CMSS1: variants seen among roughly 807,000 people sequenced by gnomAD.
The protein encoded by CMSS1 is protein CMSS1.
CMSS1 carries 33 observed loss-of-function variants against 43.5 expected under a neutral mutation model. The observed-to-expected ratio is 0.76, with a 90% CI of 0.57 to 1.01. CMSS1 has a LOEUF of 1.01. Ranked by LOEUF, CMSS1 falls within the 50% of genes least tolerant of loss-of-function variation. The pLI is 0.00. For synonymous variants in CMSS1, 115 were observed against 117.2 expected, an observed-to-expected ratio of 0.98 and a Z score of 0.12; for missense variants, 313 against 326.4, an observed-to-expected ratio of 0.96 and a Z score of 0.32.
At chr3:99,861,321 C>A (rs1260012832) in intron 1 of CMSS1, among the ~76,000 whole-genome samples, 2 of 152,214 alleles carry the variant, frequency 1.3e-5, no homozygotes, top group African/African-American at 2.4e-5. Flanking sequence ...TGATGCCTTC[C>A]CCTGGCTGCC....
intron 1 of CMSS1, among the ~76,000 whole-genome samples, chr3:99,967,060 C>T (rs1181819805): frequency 1.3e-5 from 2 of 152,088 alleles, no homozygotes; most frequent in Non-Finnish European, 2.9e-5. Flanking sequence ...GGATATGGGG[C>T]AAGAACAGTC....
chr3:100,107,728 A>G (rs1372578234), intron 1 of CMSS1, among the ~76,000 whole-genome samples: 2 of 152,072 alleles, frequency 1.3e-5, no homozygotes, highest in African/African-American at 4.8e-5. Context: ...AGGAAGAGTC[A>G]TTTCCCATTA....
chr3:99,969,555 C>T (rs1708753203), intron 1 of CMSS1, among the ~76,000 whole-genome samples: 1 of 152,060 alleles, frequency 6.6e-6, no homozygotes, highest in Non-Finnish European at 1.5e-5. Flanking sequence ...AAGTAATGAG[C>T]CGTGCTATCC....
intron 1 of CMSS1, among the ~76,000 whole-genome samples, chr3:100,118,213 A>T (rs1174482848): frequency 1.3e-5 from 2 of 151,830 alleles, no homozygotes; most frequent in African/African-American, 2.4e-5. Context: ...TGAGTTGCAC[A>T]CATGAAAAGG....
chr3:99,887,088 A>G lies in CMSS1; in HGVS notation c.64+69045A>G, dbSNP rs141895237. 6.2e-3 allele frequency among the ~76,000 whole-genome samples: 935 copies of G among 151,786 alleles called. 6 individuals carry two copies. The highest frequency in any genetic ancestry group is 0.018 in the African/African-American group (742 of 41,366). On this transcript the variant is annotated intron_variant, in intron 1 of 9. Transcript: ENST00000421999. ...GGAGTTTGAGACCAGCCTGACCAACATGGAGAAACCCCATCTCTACTAAAA... is the reference window on the plus strand; with the variant it reads ...GGAGTTTGAGACCAGCCTGACCAACGTGGAGAAACCCCATCTCTACTAAAA...
At chr3:99,983,666 G>C (rs1268686766) in intron 1 of CMSS1, among the ~76,000 whole-genome samples, 1 of 147,380 alleles carries the variant, frequency 6.8e-6, no homozygotes, top group Admixed American at 6.8e-5. Context: ...CTCCAGCCTG[G>C]GTGACTGAGC....
chr3:99,845,300 A>T (rs1417584837), intron 1 of CMSS1, among the ~76,000 whole-genome samples: 1 of 152,220 alleles, frequency 6.6e-6, no homozygotes, highest in Non-Finnish European at 1.5e-5. Context: ...TGATAAAATC[A>T]TTCGAATCTG....
intron 1 of CMSS1, among the ~76,000 whole-genome samples, chr3:99,920,191 A>G (rs557471027): frequency 1.3e-5 from 2 of 152,236 alleles, no homozygotes; most frequent in Non-Finnish European, 2.9e-5. Flanking sequence ...GCAGTAACAT[A>G]TATGGATAGC....
At chr3:99,837,254 G>T (rs775770122) in intron 1 of CMSS1, among the ~76,000 whole-genome samples, 3 of 152,050 alleles carry the variant, frequency 2.0e-5, no homozygotes, top group Non-Finnish European at 4.4e-5. Context: ...ATAACTATCT[G>T]CCTCTTGTGT....
At chr3:100,071,455 C>G (rs1004567315) in intron 1 of CMSS1, among the ~76,000 whole-genome samples, 3 of 152,196 alleles carry the variant, frequency 2.0e-5, no homozygotes, top group Admixed American at 6.5e-5. Flanking sequence ...AAAGTAGATA[C>G]TGTTTCCTCT....
intron 1 of CMSS1, chr3:100,075,770 T>C (rs2065840294): frequency 2.0e-5 from 3 of 152,238 alleles, no homozygotes; most frequent in Non-Finnish European, 2.9e-5. Context: ...GTAACATCGT[T>C]GGACCTGAAA....
chr3:100,122,730 T>C (rs1462452624), intron 1 of CMSS1, among the ~76,000 whole-genome samples: 2 of 152,240 alleles, frequency 1.3e-5, no homozygotes, highest in African/African-American at 4.8e-5. Context: ...AGCAATAGTT[T>C]TGAAACTTTC....
intron 2 of CMSS1, among the ~76,000 whole-genome samples, chr3:100,154,157 C>T (rs558406269): frequency 1.6e-4 from 24 of 152,210 alleles, no homozygotes; most frequent in Admixed American, 3.9e-4. Context: ...GGGACTATTT[C>T]TTGTTTGGCA....
intron 1 of CMSS1, among the ~76,000 whole-genome samples, chr3:99,846,750 T>C (rs1048657849): frequency 1.3e-5 from 2 of 152,214 alleles, no homozygotes; most frequent in South Asian, 4.1e-4. Flanking sequence ...AGGAGGATAA[T>C]TGTGAAAGCT....
intron 2 of CMSS1, among the ~76,000 whole-genome samples, chr3:100,147,872 C>G (rs182719198): frequency 1.1e-4 from 16 of 152,186 alleles, no homozygotes; most frequent in Admixed American, 9.8e-4. Flanking sequence ...ATCTTTTTTC[C>G]TAAACTTGTG....
chr3:99,895,794 C>A (rs1706231402), intron 1 of CMSS1, among the ~76,000 whole-genome samples: 1 of 152,198 alleles, frequency 6.6e-6, no homozygotes, highest in African/African-American at 2.4e-5. Context: ...AATACCCTAG[C>A]AGCCTTCACC....
At chr3:100,040,117 A>G (rs184988648) in intron 1 of CMSS1, 17 of 152,194 alleles carry the variant, frequency 1.1e-4, no homozygotes, top group African/African-American at 3.9e-4. Context: ...GAATCAATCC[A>G]AGCTGTCTGA....
Position 99,927,457 on chromosome 3 carries a change from C to T in CMSS1, c.64+109414C>T, listed in dbSNP as rs527455087. Among the ~76,000 whole-genome samples the T allele has an allele frequency of 2.6e-5, 4 of 151,874 alleles. No homozygotes were observed. In the South Asian group the frequency reaches 8.3e-4, roughly 32 times the overall value. ...TGATCTCAGCTCATCGCGATCTCCG[C>T]CTCCTGGGTTCAAGCGATTCACCTG... On this transcript the variant is annotated intron_variant, in intron 1 of 9. Coordinates refer to ENST00000421999, the MANE Select transcript of CMSS1 (RefSeq NM_032359.4).
chr3:99,912,350 C>G (rs970661867), intron 1 of CMSS1, among the ~76,000 whole-genome samples: 1 of 152,084 alleles, frequency 6.6e-6, no homozygotes, highest in African/African-American at 2.4e-5. Context: ...AGTGTCACTG[C>G]TTAATGGGCA....
Sources: allele counts gnomAD v4.1 joint callset (sites outside exome capture counted in the v4.1 genomes callset), GRCh38; gene constraint gnomAD v4.1.1; transcripts MANE v1.5; gene names NCBI Gene and HGNC (gene_info 2026-07-23, HGNC 2026-07-21).